ZNF362: variants seen among roughly 807,000 people sequenced by gnomAD.
ZNF362 encodes the protein rotund homolog.
ZNF362 carries 11 observed loss-of-function variants against 42.9 expected under a neutral mutation model. That is an observed-to-expected ratio of 0.26 (90% CI 0.16 to 0.42). The LOEUF is 0.42. ZNF362 is among the 20% of genes least tolerant of loss of function. ZNF362 has a pLI of 1.00. For synonymous variants in ZNF362, 255 were observed against 257.3 expected, an observed-to-expected ratio of 0.99 and a Z score of 0.09; for missense variants, 362 against 576.2, an observed-to-expected ratio of 0.63 and a Z score of 3.81.
the ZNF362 span, among the ~76,000 whole-genome samples, chr1:33,193,004 C>CACACACACACACACACACATAT: frequency 7.3e-6 from 1 of 137,202 alleles, no homozygotes; most frequent in Non-Finnish European, 1.6e-5. Flanking sequence ...CACACACACA[C>CACACACACACACACACACATAT]ATATATATAT....
At chr1:33,181,294 C>T in the ZNF362 span, 1 of 1,551,530 alleles carries the variant, frequency 6.4e-7, no homozygotes. The surrounding 1 kb of genome is among the most constrained non-coding windows in gnomAD (Gnocchi z 6.5). Context: ...CAGTCGCGGG[C>T]GCCCTGCGCC....
At chr1:33,161,901 G>A in the ZNF362 span, among the ~76,000 whole-genome samples, 5 of 152,222 alleles carry the variant, frequency 3.3e-5, no homozygotes, top group East Asian at 7.7e-4. The surrounding 1 kb of genome is among the most constrained non-coding windows in gnomAD (Gnocchi z 4.3). Flanking sequence ...GCTCATCCAG[G>A]TCAGCGCCTT....
the ZNF362 span, among the ~76,000 whole-genome samples, chr1:33,183,998 G>A: frequency 1.3e-5 from 2 of 149,246 alleles, no homozygotes; most frequent in Non-Finnish European, 3.0e-5. Context: ...TGGGGAAAGT[G>A]AACAGGGCAG....
At chr1:33,274,665 A>C (rs1645929787) in intron 2 of ZNF362, among the ~76,000 whole-genome samples, 1 of 152,182 alleles carries the variant, frequency 6.6e-6, no homozygotes, top group Admixed American at 6.5e-5. Flanking sequence ...GGACATTTGC[A>C]TATAGATATT....
chr1:33,273,713 C>G (rs998693216), intron 2 of ZNF362, among the ~76,000 whole-genome samples: 3 of 152,190 alleles, frequency 2.0e-5, no homozygotes, highest in Non-Finnish European at 2.9e-5. Context: ...AGGTGCCTCC[C>G]TCCTGGTGCC....
In ZNF362 at chr1:33,280,576, A is replaced by C; in HGVS notation, c.683+119A>C. On this transcript the variant is annotated intron_variant, in intron 5 of 8. Coordinates refer to ENST00000539719, the MANE Select transcript of ZNF362 (RefSeq NM_152493.3). The surrounding 1 kb of genome is among the most constrained non-coding windows in gnomAD (Gnocchi z 5.6). The stretch of plus-strand genomic sequence containing the variant: ...ACCCTTAGGGCTGAGGGGCAGGGCT[A>C]GGGTCCAGAGGGGCGGGGCCTTCTG... The C allele has an allele frequency of 6.9e-7, 1 of 1,439,220 alleles. No homozygotes were observed. The highest frequency in any genetic ancestry group is 9.1e-7 in the Non-Finnish European group (1 of 1,093,566). 89.2% of individuals were successfully genotyped at this position (1,439,220 alleles called of 1,614,324 possible).
chr1:33,276,812 G>A (rs922489040), intron 4 of ZNF362, among the ~76,000 whole-genome samples: 2 of 152,270 alleles, frequency 1.3e-5, no homozygotes, highest in Non-Finnish European at 2.9e-5. Flanking sequence ...TCTCCCCCCA[G>A]TGGACACGAC....
At chr1:33,212,559 T>G in the ZNF362 span, among the ~76,000 whole-genome samples, 1 of 152,072 alleles carries the variant, frequency 6.6e-6, no homozygotes, top group Non-Finnish European at 1.5e-5. Flanking sequence ...AGGCATCTGC[T>G]TGGCTTCTGG....
At chr1:33,212,866 A>C in the ZNF362 span, among the ~76,000 whole-genome samples, 70 of 152,332 alleles carry the variant, frequency 4.6e-4, no homozygotes, top group Non-Finnish European at 9.0e-4. Context: ...ATGAGAAATG[A>C]AAGCGTACGT....
the ZNF362 span, among the ~76,000 whole-genome samples, chr1:33,206,084 A>T: frequency 6.6e-6 from 1 of 152,214 alleles, no homozygotes; most frequent in Non-Finnish European, 1.5e-5. Context: ...GAAAAATTAT[A>T]TATTCATGTG....
At chr1:33,233,802 A>G in the ZNF362 span, among the ~76,000 whole-genome samples, 2,560 of 152,262 alleles carry the variant, frequency 0.017, 84 homozygotes, top group African/African-American at 0.058. Flanking sequence ...GCCGTGGTCC[A>G]GAGAGTGAAC....
the ZNF362 span, among the ~76,000 whole-genome samples, chr1:33,174,531 T>C: frequency 6.6e-6 from 1 of 152,078 alleles, no homozygotes; most frequent in Non-Finnish European, 1.5e-5. Context: ...AATGGGGCAA[T>C]GAGATCCATC....
the ZNF362 span, among the ~76,000 whole-genome samples, chr1:33,220,916 G>C: frequency 1.3e-5 from 2 of 152,318 alleles, no homozygotes; most frequent in Admixed American, 1.3e-4. Context: ...TCGTAGGGAG[G>C]AAAGGAATGA....
At chr1:33,187,810 C>A in the ZNF362 span, among the ~76,000 whole-genome samples, 1 of 152,194 alleles carries the variant, frequency 6.6e-6, no homozygotes, top group Admixed American at 6.5e-5. Context: ...CAATAGAAAG[C>A]ATAAATTTGC....
chr1:33,238,234 A>G, the ZNF362 span, among the ~76,000 whole-genome samples: 1 of 151,602 alleles, frequency 6.6e-6, no homozygotes, highest in African/African-American at 2.4e-5. Context: ...CAGGAGAATC[A>G]CTTGAACCTG....
At chr1:33,259,962 T>C (rs1201475041) in intron 1 of ZNF362, among the ~76,000 whole-genome samples, 1 of 152,226 alleles carries the variant, frequency 6.6e-6, no homozygotes, top group African/African-American at 2.4e-5. Context: ...TAAAATGGGG[T>C]ACTTTCTGTG....
intron 8 of ZNF362, among the ~76,000 whole-genome samples, chr1:33,297,536 G>A (rs1418107929): frequency 1.4e-4 from 3 of 20,922 alleles, no homozygotes; most frequent in Non-Finnish European, 2.2e-4. Flanking sequence ...TTTTTGAGAC[G>A]GAGTCTTGCT....
At position 33,280,027 on chromosome 1, in the gene ZNF362, G is replaced by A. The variant is rs1645979816; in HGVS notation, c.350-97G>A. On this transcript the variant is annotated intron_variant, in intron 4 of 8. Transcript: ENST00000539719. This position sits in a 1 kb window ranked among gnomAD's most constrained non-coding sequence, Gnocchi z 5.6. ...CTGGGTAATAACTTATGAACGTTAA[G>A]GGGATGCTCGCCTGCCAAAATCACA... The A allele has an allele frequency of 1.4e-6, 2 of 1,414,090 alleles. No individual in the cohort carries two copies. The highest frequency in any genetic ancestry group is 2.9e-5 in the African/African-American group (2 of 69,632). The allele number at this position is 1,414,090 out of a possible 1,614,324, so 87.6% of individuals were successfully genotyped here. A position where few individuals can be genotyped will look rare whatever the true frequency, so the allele number is the denominator to read the frequency against.
chr1:33,132,577 A>G, the ZNF362 span, among the ~76,000 whole-genome samples: 2 of 152,076 alleles, frequency 1.3e-5, no homozygotes, highest in African/African-American at 4.8e-5. Context: ...GGCTCCCCCT[A>G]ACCTTCCTCT....
Sources: gnomAD v4.1 joint callset for allele counts (sites outside exome capture counted in the v4.1 genomes callset) on GRCh38, gnomAD v4.1.1 for gene constraint, Gnocchi (gnomAD v3.1) non-coding constraint, MANE v1.5 for transcripts, NCBI Gene and HGNC (gene_info 2026-07-23, HGNC 2026-07-21) for gene names.